Variants in ZFPM2 observed in about 807,000 individuals in gnomAD.
The protein encoded by ZFPM2 is zinc finger protein, FOG family member 2, also known as zinc finger protein ZFPM2.
ZFPM2 carries 20 observed loss-of-function variants against 98.6 expected under a neutral mutation model. The ratio of observed to expected loss-of-function variants is 0.20; its 90% CI spans 0.14 to 0.29. ZFPM2 has a LOEUF of 0.29. Ranked by LOEUF, ZFPM2 falls within the 10% of genes least tolerant of loss-of-function variation. The probability of loss-of-function intolerance (pLI) is 1.00; values close to 1 mark genes in which losing one functional copy is unlikely to be tolerated. For synonymous variants in ZFPM2, 518 were observed against 502.7 expected (o/e 1.03, Z -0.41); for missense variants, 1,310 against 1,388.6 (o/e 0.94, Z 0.90).
chr8:105,768,660 ATCTC>A (rs1812911305), intron 5 of ZFPM2, among the ~76,000 whole-genome samples: 1 of 151,928 alleles, frequency 6.6e-6, no homozygotes, highest in African/African-American at 2.4e-5. Flanking sequence ...ACAATTTAGA[ATCTC>A]TATATATGTG....
At chr8:105,717,819 T>G (rs1462995745) in intron 5 of ZFPM2, among the ~76,000 whole-genome samples, 3 of 151,884 alleles carry the variant, frequency 2.0e-5, no homozygotes, top group Non-Finnish European at 2.9e-5. Flanking sequence ...TGCCTTGTCT[T>G]TATGTAAAGA....
In ZFPM2 at chr8:105,463,015, T is replaced by TA. The variant is rs201178370; in HGVS notation, c.301+18642dup. On this transcript the variant is annotated intron_variant, in intron 3 of 7. Coordinates refer to ENST00000407775, the MANE Select transcript of ZFPM2 (RefSeq NM_012082.4). The stretch of plus-strand genomic sequence containing the variant: ...TCTGCAGTGGATTTGAGATAAATAA[T>TA]AAAAAAAATATAAAATGGTGGAATA... Among the ~76,000 whole-genome samples the TA allele has an allele frequency of 1.6e-3, 243 of 151,204 alleles. 6 individuals carry two copies. In the East Asian group the frequency reaches 0.045, roughly 28 times the overall value.
intron 3 of ZFPM2, among the ~76,000 whole-genome samples, chr8:105,541,603 C>T (rs1423327221): frequency 6.6e-6 from 1 of 152,158 alleles, no homozygotes; most frequent in Non-Finnish European, 1.5e-5. Context: ...ATTTAATTCA[C>T]TTGTAGGTGT....
At chr8:105,353,330 C>A (rs1389952693) in intron 1 of ZFPM2, among the ~76,000 whole-genome samples, 2 of 152,056 alleles carry the variant, frequency 1.3e-5, no homozygotes, top group Non-Finnish European at 2.9e-5. Flanking sequence ...CCTGGTCACC[C>A]CATATACGAT....
chr8:105,655,912 A>G (rs1817276175), intron 5 of ZFPM2, among the ~76,000 whole-genome samples: 1 of 152,114 alleles, frequency 6.6e-6, no homozygotes, highest in African/African-American at 2.4e-5. Context: ...GCACAGCTCA[A>G]ATTTAACCCA....
At chr8:105,573,226 G>C (rs929730387) in intron 4 of ZFPM2, among the ~76,000 whole-genome samples, 49 of 152,252 alleles carry the variant, frequency 3.2e-4, no homozygotes, top group African/African-American at 1.2e-3. Flanking sequence ...GCATAGGACA[G>C]GGAGCCCAAG....
intron 1 of ZFPM2, among the ~76,000 whole-genome samples, chr8:105,412,320 G>T (rs1353788930): frequency 1.3e-5 from 2 of 151,618 alleles, no homozygotes; most frequent in Non-Finnish European, 2.9e-5. Context: ...AATATTCACA[G>T]ATCTCGTTTT....
At chr8:105,466,050 A>T (rs1481625960) in intron 3 of ZFPM2, among the ~76,000 whole-genome samples, 1 of 152,024 alleles carries the variant, frequency 6.6e-6, no homozygotes, top group Non-Finnish European at 1.5e-5. Context: ...GAAATAGCTG[A>T]TATTAAAGAC....
chr8:105,676,840 C>T (rs1242605907), intron 5 of ZFPM2, among the ~76,000 whole-genome samples: 5 of 151,968 alleles, frequency 3.3e-5, no homozygotes, highest in Non-Finnish European at 7.4e-5. Context: ...GATTGACTAA[C>T]TTTTGTGAAT....
At chr8:105,680,427 A>G (rs1369925568) in intron 5 of ZFPM2, among the ~76,000 whole-genome samples, 1 of 152,180 alleles carries the variant, frequency 6.6e-6, no homozygotes, top group Non-Finnish European at 1.5e-5. Context: ...TAAGTATCAG[A>G]AATAAATTAT....
At chr8:105,383,233 G>A (rs188105041) in intron 1 of ZFPM2, among the ~76,000 whole-genome samples, 2 of 152,196 alleles carry the variant, frequency 1.3e-5, no homozygotes, top group South Asian at 2.1e-4. Context: ...ATTAGCATAC[G>A]TTTTCCCCAG....
Position 105,781,716 on chromosome 8 carries a change from A to G in ZFPM2, c.533-7002A>G, listed in dbSNP as rs1813257861. ...AGCCTGGGTGACAGAGTGAGACCCTATCTTAAAATAAAATAATAAAATAAC... is the reference window on the plus strand; with the variant it reads ...AGCCTGGGTGACAGAGTGAGACCCTGTCTTAAAATAAAATAATAAAATAAC... On this transcript the variant is annotated intron_variant, in intron 5 of 7. Transcript: ENST00000407775. Among the ~76,000 whole-genome samples the G allele has an allele frequency of 2.0e-5, 3 of 152,226 alleles. No homozygotes were observed. The South Asian group carries it at 6.2e-4, about 32-fold the overall frequency.
intron 3 of ZFPM2, among the ~76,000 whole-genome samples, chr8:105,540,644 A>G (rs765232756): frequency 2.5e-4 from 38 of 152,144 alleles, no homozygotes; most frequent in Non-Finnish European, 4.7e-4. Flanking sequence ...AAAAATGCTC[A>G]GTCCACTTAA....
At chr8:105,672,616 T>C (rs1464017555) in intron 5 of ZFPM2, among the ~76,000 whole-genome samples, 2 of 152,288 alleles carry the variant, frequency 1.3e-5, no homozygotes, top group African/African-American at 2.4e-5. Flanking sequence ...TTGATCATCT[T>C]TCTCATGACT....
chr8:105,653,714 A>G (rs1289339045), intron 5 of ZFPM2, among the ~76,000 whole-genome samples: 1 of 152,066 alleles, frequency 6.6e-6, no homozygotes, highest in Non-Finnish European at 1.5e-5. Context: ...TGGTGTAATG[A>G]CTCTCTGGCA....
intron 3 of ZFPM2, among the ~76,000 whole-genome samples, chr8:105,544,785 C>G (rs1350982144): frequency 6.6e-6 from 1 of 152,148 alleles, no homozygotes; most frequent in African/African-American, 2.4e-5. Context: ...AGGTGATGCT[C>G]ATTACATGTT....
At chr8:105,354,988 C>T (rs577366539) in intron 1 of ZFPM2, among the ~76,000 whole-genome samples, 1 of 152,042 alleles carries the variant, frequency 6.6e-6, no homozygotes, top group East Asian at 1.9e-4. Context: ...AAAACAGCGG[C>T]AACAAAAAAT....
chr8:105,801,095 C>A lies in ZFPM2; in HGVS notation c.1013C>A (p.Thr338Asn). 1 of 1,613,912 alleles carries A rather than the reference C, an allele frequency of 6.2e-7. No homozygotes were observed. The highest frequency in any genetic ancestry group is 8.5e-7 in the Non-Finnish European group (1 of 1,179,854). Reference protein sequence around the residue: ...FLPPGASLKCTVCSYTADSVI... With the variant: ...FLPPGASLKCNVCSYTADSVI... ...CCCCCTGGTGCTAGTCTAAAATGCA[C>A]CGTCTGTAGCTACACTGCTGATTCC... is the stretch of plus-strand genomic sequence containing the variant. Residue 338 changes from threonine to asparagine, a missense_variant, in exon 8 of 8, where the codon ACC becomes AAC. Thr to Asn is a moderately conservative substitution (Grantham distance 65). Transcript: ENST00000407775.
chr8:105,511,022 G>A (rs113411263), intron 3 of ZFPM2, among the ~76,000 whole-genome samples: 29 of 152,320 alleles, frequency 1.9e-4, no homozygotes, highest in African/African-American at 6.3e-4. Flanking sequence ...AGGTCTGCAG[G>A]CAGTATGGGA....
Sources: allele counts gnomAD v4.1 joint callset (sites outside exome capture counted in the v4.1 genomes callset), GRCh38; gene constraint gnomAD v4.1.1; transcripts MANE v1.5; gene names NCBI Gene and HGNC (gene_info 2026-07-23, HGNC 2026-07-21).